The following STX16 variants were observed in gnomAD, a reference collection of about 807,000 sequenced individuals.
STX16 encodes syntaxin 16.
In STX16, 28 loss-of-function variants were observed where a neutral mutation model predicts 42.7. The observed-to-expected ratio is 0.66, with a 90% CI of 0.49 to 0.90. The LOEUF is 0.90. Ranked by LOEUF, STX16 falls within the 40% of genes least tolerant of loss-of-function variation. The probability of loss-of-function intolerance (pLI) is 0.00; values close to 1 mark genes in which losing one functional copy is unlikely to be tolerated. For missense variants in STX16, 361 were observed against 420.9 expected (o/e 0.86, Z 1.24); for synonymous variants, 156 against 155.2 (o/e 1.00, Z -0.04).
intron 2 of STX16, among the ~76,000 whole-genome samples, chr20:58,665,934 G>T (rs2083815955): frequency 6.6e-6 from 1 of 152,184 alleles, no homozygotes; most frequent in Non-Finnish European, 1.5e-5. Context: ...GGGCATGCAG[G>T]GAGGTTGATG....
chr20:58,671,678 C>T (rs1191183787), intron 7 of STX16, among the ~76,000 whole-genome samples: 1 of 151,898 alleles, frequency 6.6e-6, no homozygotes, highest in Non-Finnish European at 1.5e-5. Context: ...TCATTTAATC[C>T]CTCTGACTCT....
intron 2 of STX16, among the ~76,000 whole-genome samples, chr20:58,664,502 G>C (rs16982229): frequency 0.08 from 12,154 of 152,310 alleles, 539 homozygotes; most frequent in African/African-American, 0.096. Flanking sequence ...GTGTGGGAAA[G>C]CTAGTACCAG....
At chr20:58,675,641 C>A (rs1299675674) in intron 8 of STX16, among the ~76,000 whole-genome samples, 1 of 152,198 alleles carries the variant, frequency 6.6e-6, no homozygotes, top group African/African-American at 2.4e-5. Flanking sequence ...CATATGACAT[C>A]CATGGGGCAC....
chr20:58,675,638 C>A lies in STX16; in HGVS notation c.874-549C>A, dbSNP rs115877480. Among the ~76,000 whole-genome samples, 784 of 152,312 alleles carry A rather than the reference C, an allele frequency of 5.1e-3. 6 individuals are homozygous for A. Among genetic ancestry groups the A allele is most frequent in the African/African-American group, 0.017 (707 of 41,564 alleles). On this transcript the variant is annotated intron_variant, in intron 8 of 8. Transcript: ENST00000371141. ...CTCAGAGGGATCTTTCTGCATATGA[C>A]ATCCATGGGGCACACGTGTCTGTTT...
At position 58,657,499 on chromosome 20, in the gene STX16, GTTTCCACTTATT is replaced by G. The variant is rs2083608811; in HGVS notation, c.133-2119_133-2108del. ...AGACTTCCTGAGTAAACACAGATGG[GTTTCCACTTATT>G]TTTCAGTTTTATGTAGAAAGTTCTT... On this transcript the variant is annotated intron_variant, in intron 1 of 8. Transcript: ENST00000371141. The surrounding 1 kb of genome is among the most constrained non-coding windows in gnomAD (Gnocchi z 4.2). Among the ~76,000 whole-genome samples the G allele has an allele frequency of 6.6e-6, 1 of 152,128 alleles. No homozygotes were observed. The highest frequency in any genetic ancestry group is 2.4e-5 in the African/African-American group (1 of 41,432).
intron 1 of STX16, 116 bp downstream of exon 1, chr20:58,652,254 AG>A: frequency 7.0e-7 from 1 of 1,421,328 alleles, no homozygotes; most frequent in Admixed American, 1.9e-5. Context: ...AATAAGACTA[AG>A]AATAATAAGA....
At chr20:58,664,242 T>TA (rs1027400131) in intron 2 of STX16, among the ~76,000 whole-genome samples, 2 of 152,222 alleles carry the variant, frequency 1.3e-5, no homozygotes, top group Admixed American at 6.5e-5. Context: ...AGTTGACGCT[T>TA]ATCTTCAACA....
At chr20:58,655,405 C>T (rs2083563846) in intron 1 of STX16, among the ~76,000 whole-genome samples, 1 of 152,136 alleles carries the variant, frequency 6.6e-6, no homozygotes, top group Non-Finnish European at 1.5e-5. Flanking sequence ...TTGTGTGTCC[C>T]TGTGCGTGCA....
chr20:58,655,908 A>G (rs1359464797), intron 1 of STX16, among the ~76,000 whole-genome samples: 1 of 152,236 alleles, frequency 6.6e-6, no homozygotes, highest in African/African-American at 2.4e-5. Context: ...ACTAATTGTA[A>G]AAAAACAGAC....
rs984579401 is a variant in STX16, at chr20:58,678,869, C to G, written c.*2578C>G. ...CCCTTTACTCGCTGGCAGCCATTGT[C>G]TGTGGGCACCTCATGTTTTTCCACA... On this transcript the variant is annotated 3_prime_UTR_variant, in exon 9 of 9. Coordinates refer to ENST00000371141, the MANE Select transcript of STX16 (RefSeq NM_001001433.3). 2 of 152,358 alleles carry G rather than the reference C, an allele frequency of 1.3e-5. No homozygotes were observed. Among genetic ancestry groups the G allele is most frequent in the East Asian group, 1.9e-4 (1 of 5,178 alleles). The allele number at this position is 152,358 out of a possible 1,614,324, so 9.4% of individuals were successfully genotyped here.
intron 5 of STX16, 100 bp downstream of exon 5, chr20:58,669,553 T>C: frequency 7.4e-7 from 1 of 1,355,174 alleles, no homozygotes; most frequent in Non-Finnish European, 1.0e-6. Context: ...GTACCTTTCA[T>C]TGTTAGCTTT....
In STX16 at chr20:58,667,237, A is replaced by G. The variant is rs1482236217; in HGVS notation, c.145-253A>G. On this transcript the variant is annotated intron_variant, in intron 2 of 8. Coordinates refer to ENST00000371141, the MANE Select transcript of STX16 (RefSeq NM_001001433.3). ...CAAATTTACGTTCTGAAGTATGTCC[A>G]AGGAAATTAAGAGCTGGTGCATGAA... The G allele has an allele frequency of 5.1e-6, 3 of 585,804 alleles. No individual in the cohort carries two copies. In the Admixed American group the frequency reaches 6.5e-5, roughly 13 times the overall value. 36.3% of individuals were successfully genotyped at this position (585,804 alleles called of 1,614,324 possible). A position where few individuals can be genotyped will look rare whatever the true frequency, so the allele number is the denominator to read the frequency against.
At chr20:58,671,437 G>GGC in intron 7 of STX16, 140 bp downstream of exon 7, 1 of 224,000 alleles carries the variant, frequency 4.5e-6, no homozygotes. Context: ...TGTGTGTGTG[G>GGC]GTGTGTGTGT....
chr20:58,655,436 A>T (rs942215370), intron 1 of STX16, among the ~76,000 whole-genome samples: 2 of 152,210 alleles, frequency 1.3e-5, no homozygotes, highest in Non-Finnish European at 2.9e-5. Context: ...TGCAGCATTC[A>T]GGCAAATATG....
In STX16 at chr20:58,652,131, T is replaced by C. The variant is rs1366486348; in HGVS notation, c.125T>C (p.Ile42Thr). The C allele has an allele frequency of 6.2e-7, 1 of 1,613,810 alleles. No homozygotes were observed. The highest frequency in any genetic ancestry group is 8.5e-7 in the Non-Finnish European group (1 of 1,179,972). ...TCCAGCCCTCTGCATTCACGTAGCA[T>C]TGCTGCGGTGAGTCTCCTGGCGGCC... ...ITSSPLHSRS[I>T]AAELDELADD... The change falls in exon 1 of 9, where the codon ATT (isoleucine) becomes ACT (threonine). Residue 42 changes from isoleucine (I) to threonine (T), a missense_variant. Physicochemically the swap from Ile to Thr is moderately conservative, Grantham distance 89 (BLOSUM62 -1). Transcript: ENST00000371141.
chr20:58,667,624 T>C (rs2083867708), intron 3 of STX16, 27 bp downstream of exon 3: 1 of 1,583,696 alleles, frequency 6.3e-7, no homozygotes, highest in African/African-American at 1.3e-5. Context: ...TTTCATAGCA[T>C]CTTGTTTTTT....
chr20:58,673,778 G>C (rs2084039654), intron 8 of STX16, 67 bp downstream of exon 8: 10 of 1,189,022 alleles, frequency 8.4e-6, no homozygotes, highest in Non-Finnish European at 1.2e-5. Context: ...TTGGTAAGAG[G>C]GTTCTTTTCC....
At chr20:58,668,169 C>G (rs149083387) in intron 4 of STX16, 42 bp downstream of exon 4, 18,444 of 1,609,316 alleles carry the variant, frequency 0.011, 135 homozygotes, top group Non-Finnish European at 0.014. Context: ...AGCGAGCCTT[C>G]TCATGGCAAT....
chr20:58,664,263 C>T (rs1371330297), intron 2 of STX16, among the ~76,000 whole-genome samples: 1 of 152,142 alleles, frequency 6.6e-6, no homozygotes, highest in Admixed American at 6.5e-5. Flanking sequence ...ATTGTTTTCC[C>T]TTCCCAAAAC....
Sources: gnomAD v4.1 joint callset for allele counts (sites outside exome capture counted in the v4.1 genomes callset) on GRCh38, gnomAD v4.1.1 for gene constraint, Gnocchi (gnomAD v3.1) non-coding constraint, MANE v1.5 for transcripts, NCBI Gene and HGNC (gene_info 2026-07-23, HGNC 2026-07-21) for gene names.